Variants in SMS observed in about 807,000 individuals in gnomAD.
The protein encoded by SMS is spermine synthase, also known as spermidine aminopropyltransferase.
SMS carries 3 observed loss-of-function variants against 33.0 expected under a neutral mutation model. That is an observed-to-expected ratio of 0.09 (90% CI 0.04 to 0.23). The LOEUF (loss-of-function observed/expected upper bound fraction) is 0.23. SMS is among the 10% of genes least tolerant of loss of function. SMS has a pLI of 1.00. For missense variants in SMS, 117 were observed against 288.6 expected (o/e 0.41, Z 4.31); for synonymous variants, 103 against 112.2 (o/e 0.92, Z 0.52).
At chrX:21,989,083 G>A (rs1285103897) in intron 9 of SMS, among the ~76,000 whole-genome samples, 1 of 110,828 alleles carries the variant, frequency 9.0e-6, no homozygotes, top group African/African-American at 3.3e-5. Context: ...GTTCTTACAT[G>A]TATGATTTCC....
chrX:21,979,893 A>G (rs577823022), intron 7 of SMS, among the ~76,000 whole-genome samples: 1 of 106,172 alleles, frequency 9.4e-6, no homozygotes, highest in East Asian at 2.9e-4. Flanking sequence ...AATGATGGCC[A>G]TTCTAACTCC....
At chrX:21,941,884 CAAAAAAAAAAAAAAAAAAAAAAAAAAA>C (rs760394146) in intron 1 of SMS, among the ~76,000 whole-genome samples, 2 of 19,569 alleles carry the variant, frequency 1.0e-4, no homozygotes, top group South Asian at 5.0e-3. Flanking sequence ...GACCCTGTCT[CAAAAAAAAAAAAAAAAAAAAAAAAAAA>C]AAAAAAAAAA....
intron 1 of SMS, among the ~76,000 whole-genome samples, chrX:21,961,734 C>T (rs1923368414): frequency 9.0e-6 from 1 of 111,712 alleles, no homozygotes; most frequent in African/African-American, 3.3e-5. Context: ...GAAATGGGGA[C>T]ATTGCGTTGT....
intron 9 of SMS, among the ~76,000 whole-genome samples, chrX:21,987,832 G>A (rs1387837617): frequency 8.9e-6 from 1 of 112,361 alleles, no homozygotes; most frequent in Non-Finnish European, 1.9e-5. Flanking sequence ...CTACAGCCGA[G>A]TGGCTGTTCT....
Position 21,980,415 on chromosome X carries a change from C to CAAAAAA in SMS, c.750+1459_750+1464dup, listed in dbSNP as rs1178108858. ...CTGGGCAACAGAGGGAGACTGTCTC[C>CAAAAAA]AAAAAAAAAAAAAAATATATATATA... On this transcript the variant is annotated intron_variant, in intron 7 of 10. Transcript: ENST00000404933. Among the ~76,000 whole-genome samples the CAAAAAA allele has an allele frequency of 7.1e-3, 318 of 44,553 alleles. 6 individuals are homozygous for CAAAAAA. The highest frequency in any genetic ancestry group is 0.015 in the African/African-American group (159 of 10,305). The allele number at this position is 44,553 out of a possible 115,157, so 38.7% of individuals were successfully genotyped here. A position where few individuals can be genotyped will look rare whatever the true frequency, so the allele number is the denominator to read the frequency against.
rs775094581 is a variant in SMS at position 21,953,157 on chromosome X, C to A, written c.49+12284C>A. ...ATTCGGTGAGTTGTGGTAGTGTAGC[C>A]GGATTGGTAAGGCATCAGAGAGACC... On this transcript the variant is annotated intron_variant, in intron 1 of 10. Coordinates refer to ENST00000404933, the MANE Select transcript of SMS (RefSeq NM_004595.5). 4.5e-5 allele frequency among the ~76,000 whole-genome samples: 5 copies of A among 110,320 alleles called. No homozygotes were observed. In the South Asian group the frequency reaches 1.9e-3, roughly 43 times the overall value.
At chrX:21,983,957 A>C (rs1462836066) in intron 7 of SMS, among the ~76,000 whole-genome samples, 1 of 112,113 alleles carries the variant, frequency 8.9e-6, no homozygotes, top group African/African-American at 3.2e-5. Context: ...TAGAGATGAA[A>C]GTATGAAGTT....
chrX:21,971,988 A>G lies in SMS; in HGVS notation c.262A>G (p.Ser88Gly), dbSNP rs1425520738. ...TGCGCAAGGCAAAGAAGAGATCGAC[A>G]GTGTCGGTTTTTCACTTTCATTTAC... is the stretch of plus-strand genomic sequence containing the variant. ...GDAQGKEEID[S>G]ILNKVEERMK... is the part of the protein sequence containing the mutation. Residue 88 changes from serine to glycine, a missense_variant and splice_region_variant, in exon 3 of 11, where the codon AGT (serine) becomes GGT (glycine). Around this residue, in one of 3 missense-constraint regions of SMS, gnomAD observed 25 missense variants for 24.4 expected, o/e 1.03. Transcript: ENST00000404933. 3.4e-6 allele frequency: 4 copies of G among 1,170,075 alleles called. No homozygotes were observed. The highest frequency in any genetic ancestry group is 4.7e-6 in the Non-Finnish European group (4 of 858,554).
chrX:21,969,854 G>A (rs762602802), intron 2 of SMS, among the ~76,000 whole-genome samples: 2 of 113,011 alleles, frequency 1.8e-5, no homozygotes, highest in East Asian at 5.6e-4. Context: ...TTGCTCTGTT[G>A]CCCAGGCTGG....
intron 7 of SMS, 45 bp downstream of exon 7, chrX:21,979,011 T>G: frequency 1.1e-6 from 1 of 922,350 alleles, no homozygotes; most frequent in East Asian, 3.1e-5. Context: ...ACTAATAATA[T>G]AAGTTATTGA....
rs761695396 is a variant in SMS at position 21,979,117 on chromosome X, A to T, written c.750+151A>T. ...TCATATGAGTTATATGTATATTTGT[A>T]TTTAGGGTGCACACGTACCAATGAT... On this transcript the variant is annotated intron_variant, in intron 7 of 10. Transcript: ENST00000404933. 293 of 469,403 alleles carry T rather than the reference A, an allele frequency of 6.2e-4. 2 individuals carry two copies. Among genetic ancestry groups the T allele is most frequent in the Non-Finnish European group, 9.8e-4 (260 of 265,496 alleles). 38.7% of individuals were successfully genotyped at this position (469,403 alleles called of 1,213,427 possible).
chrX:21,979,802 T>C (rs1187002026), intron 7 of SMS, among the ~76,000 whole-genome samples: 3 of 110,357 alleles, frequency 2.7e-5, no homozygotes, highest in Non-Finnish European at 5.7e-5. Flanking sequence ...ATGGTTGAAC[T>C]AATTTACACT....
At chrX:21,994,247 C>T (rs1268536862) in intron 10 of SMS, 65 bp from the exon 11 acceptor site, 4 of 1,026,746 alleles carry the variant, frequency 3.9e-6, no homozygotes, top group Admixed American at 2.2e-5. Context: ...GGCCAGCAAA[C>T]GAATTACAAG....
intron 1 of SMS, among the ~76,000 whole-genome samples, chrX:21,945,774 G>A (rs1169074680): frequency 9.2e-6 from 1 of 108,831 alleles, no homozygotes; most frequent in African/African-American, 3.4e-5. Flanking sequence ...ACAGGCACGC[G>A]GCACCACACC....
chrX:21,957,634 T>TG (rs1356711745), intron 1 of SMS, among the ~76,000 whole-genome samples: 1 of 112,163 alleles, frequency 8.9e-6, no homozygotes, highest in African/African-American at 3.2e-5. Context: ...TACCCAGTAA[T>TG]GGGACTGCTG....
rs142264016 is a variant in SMS, at chrX:21,977,061, A to G, written c.330A>G (p.Arg110=). ...LSQDSTGRVK[R]LPPIVRGGAI... Reference sequence around the variant, plus strand: ...CATTTCTGTTTTTCTCTTTTTCCAGATTACCACCCATAGTGCGAGGAGGAG... The same window carrying G: ...CATTTCTGTTTTTCTCTTTTTCCAGGTTACCACCCATAGTGCGAGGAGGAG... The change falls in exon 5 of 11, where the codon CGA becomes CGG. Residue 110 remains arginine (R), a splice_region_variant and synonymous_variant. Transcript: ENST00000404933. 7.4e-5 allele frequency: 89 copies of G among 1,207,732 alleles called. 1 individual carries two copies. In the African/African-American group the frequency reaches 1.4e-3, roughly 20 times the overall value.
At chrX:21,943,500 A>G (rs1439529791) in intron 1 of SMS, among the ~76,000 whole-genome samples, 1 of 111,658 alleles carries the variant, frequency 9.0e-6, no homozygotes, top group Admixed American at 9.5e-5. Flanking sequence ...AGACGTGTAT[A>G]GATCAGAATA....
chrX:21,976,704 C>T (rs1004852107), intron 4 of SMS, among the ~76,000 whole-genome samples: 3 of 111,437 alleles, frequency 2.7e-5, no homozygotes, highest in African/African-American at 9.8e-5. Context: ...CATATCATAC[C>T]CATGTGAACT....
intron 2 of SMS, among the ~76,000 whole-genome samples, chrX:21,969,347 C>A (rs1923960955): frequency 8.9e-6 from 1 of 111,743 alleles, no homozygotes; most frequent in South Asian, 3.7e-4. Context: ...ATATGAACAC[C>A]ACCACCAAAC....
Sources: allele counts gnomAD v4.1 joint callset (sites outside exome capture counted in the v4.1 genomes callset), GRCh38; gene constraint gnomAD v4.1.1; regional missense constraint gnomAD v4.1.1; transcripts MANE v1.5; gene names NCBI Gene and HGNC (gene_info 2026-07-23, HGNC 2026-07-21).